SPOCK3: variants seen among roughly 807,000 people sequenced by gnomAD.
SPOCK3 encodes the protein SPARC (osteonectin), cwcv and kazal like domains proteoglycan 3.
A neutral mutation model predicts 56.6 loss-of-function variants in SPOCK3; 30 were observed. The ratio of observed to expected loss-of-function variants is 0.53; its 90% CI spans 0.40 to 0.72. SPOCK3 has a LOEUF of 0.72. Ranked by LOEUF, SPOCK3 falls within the 30% of genes least tolerant of loss-of-function variation. The pLI is 0.00. For missense variants in SPOCK3, 527 were observed against 530.0 expected, an observed-to-expected ratio of 0.99 and a Z score of 0.06; for synonymous variants, 196 against 183.3, an observed-to-expected ratio of 1.07 and a Z score of -0.56.
At chr4:166,911,309 A>T (rs1227564230) in intron 5 of SPOCK3, among the ~76,000 whole-genome samples, 6 of 152,182 alleles carry the variant, frequency 3.9e-5, no homozygotes, top group African/African-American at 1.4e-4. Flanking sequence ...CAGATTTGTA[A>T]TTGTAAAAGG....
chr4:166,774,261 G>A (rs897512), intron 7 of SPOCK3, among the ~76,000 whole-genome samples: 33,417 of 152,018 alleles, frequency 0.22, 4,234 homozygotes, highest in South Asian at 0.31. Flanking sequence ...TGAACGATAC[G>A]TAAGAGTGGA....
intron 7 of SPOCK3, among the ~76,000 whole-genome samples, chr4:166,783,799 C>G (rs553623782): frequency 1.3e-5 from 2 of 152,078 alleles, no homozygotes; most frequent in East Asian, 3.9e-4. Flanking sequence ...TTTAAGACAC[C>G]TATTTTGCAA....
At chr4:167,042,657 T>C (rs1418806909) in intron 3 of SPOCK3, among the ~76,000 whole-genome samples, 3 of 152,108 alleles carry the variant, frequency 2.0e-5, no homozygotes, top group Non-Finnish European at 4.4e-5. Flanking sequence ...AGTTTTATAC[T>C]TACACCACCC....
At chr4:166,814,669 T>C (rs2126737559) in intron 6 of SPOCK3, among the ~76,000 whole-genome samples, 1 of 152,220 alleles carries the variant, frequency 6.6e-6, no homozygotes, top group Non-Finnish European at 1.5e-5. Flanking sequence ...GGCCACAGAC[T>C]GAAGGCTGCA....
intron 2 of SPOCK3, among the ~76,000 whole-genome samples, chr4:167,140,478 TTA>T (rs2150397782): frequency 6.6e-6 from 1 of 152,114 alleles, no homozygotes; most frequent in Non-Finnish European, 1.5e-5. Context: ...TACTGTATAG[TTA>T]TACTAGGTGA....
At chr4:167,048,613 C>A (rs952123858) in intron 3 of SPOCK3, among the ~76,000 whole-genome samples, 3 of 151,960 alleles carry the variant, frequency 2.0e-5, no homozygotes, top group Non-Finnish European at 4.4e-5. Context: ...AGAATATTTC[C>A]ATGGTGGAAA....
At chr4:167,120,544 C>T (rs1197264584) in intron 2 of SPOCK3, among the ~76,000 whole-genome samples, 3 of 151,882 alleles carry the variant, frequency 2.0e-5, no homozygotes, top group Non-Finnish European at 2.9e-5. Context: ...ATAAATAATT[C>T]GATTACTCAG....
chr4:166,971,872 T>C (rs1250936716), intron 4 of SPOCK3, among the ~76,000 whole-genome samples: 1 of 152,064 alleles, frequency 6.6e-6, no homozygotes, highest in Non-Finnish European at 1.5e-5. Context: ...TAAGGAAACA[T>C]GCCAAAATAT....
At chr4:166,746,141 T>C (rs1030426263) in intron 8 of SPOCK3, among the ~76,000 whole-genome samples, 4 of 152,154 alleles carry the variant, frequency 2.6e-5, no homozygotes, top group Admixed American at 1.3e-4. Flanking sequence ...GCAGACTTAA[T>C]AGACATCTAC....
At chr4:167,202,947 T>G (rs1326010746) in intron 2 of SPOCK3, among the ~76,000 whole-genome samples, 1 of 151,896 alleles carries the variant, frequency 6.6e-6, no homozygotes, top group Non-Finnish European at 1.5e-5. Flanking sequence ...GTTTCTTTTA[T>G]TTGGTTTTTT....
intron 6 of SPOCK3, among the ~76,000 whole-genome samples, chr4:166,800,472 C>G (rs954730271): frequency 2.6e-5 from 4 of 151,796 alleles, no homozygotes; most frequent in Non-Finnish European, 5.9e-5. Flanking sequence ...TGTCAATGCC[C>G]CTGAAGAGCT....
chr4:167,181,134 C>T (rs911183127), intron 2 of SPOCK3, among the ~76,000 whole-genome samples: 2 of 152,114 alleles, frequency 1.3e-5, no homozygotes, highest in African/African-American at 2.4e-5. Context: ...ACTCTGAAAT[C>T]TATATCCCTA....
chr4:167,014,511 C>T (rs746740654), intron 3 of SPOCK3, among the ~76,000 whole-genome samples: 2 of 151,758 alleles, frequency 1.3e-5, no homozygotes, highest in Non-Finnish European at 2.9e-5. Context: ...AAAATTTAGC[C>T]GAGCATGGTG....
chr4:166,826,717 G>T (rs1344302213), intron 6 of SPOCK3, among the ~76,000 whole-genome samples: 1 of 152,048 alleles, frequency 6.6e-6, no homozygotes, highest in African/African-American at 2.4e-5. Context: ...ATTTCTGGGA[G>T]CACAGTACCT....
intron 2 of SPOCK3, chr4:167,119,981 T>A (rs1761733951): frequency 1.6e-6 from 1 of 637,592 alleles, no homozygotes; most frequent in Non-Finnish European, 2.6e-6. Context: ...GGTAAATCGC[T>A]TCCACTGAAA....
At chr4:166,904,555 A>G (rs1373756936) in intron 5 of SPOCK3, among the ~76,000 whole-genome samples, 1 of 152,080 alleles carries the variant, frequency 6.6e-6, no homozygotes, top group African/African-American at 2.4e-5. Flanking sequence ...GGCACATGCT[A>G]TAGTTATCTT....
intron 8 of SPOCK3, among the ~76,000 whole-genome samples, chr4:166,744,133 C>T (rs1334082342): frequency 6.6e-6 from 1 of 152,172 alleles, no homozygotes; most frequent in Non-Finnish European, 1.5e-5. Flanking sequence ...AGTTTGAGAT[C>T]TGAGAACAAA....
chr4:166,752,565 TATATATATAC>T (rs1161812398), intron 8 of SPOCK3, among the ~76,000 whole-genome samples: 112 of 101,294 alleles, frequency 1.1e-3, no homozygotes, highest in Non-Finnish European at 1.5e-3. Flanking sequence ...TATATATATA[TATATATATAC>T]ACACACACAC....
intron 4 of SPOCK3, among the ~76,000 whole-genome samples, chr4:166,953,974 A>G (rs987951184): frequency 3.9e-5 from 6 of 152,160 alleles, no homozygotes; most frequent in African/African-American, 1.4e-4. Flanking sequence ...TGGGAGATAT[A>G]TCTAATGCTA....
Sources: gnomAD v4.1 joint callset for allele counts (sites outside exome capture counted in the v4.1 genomes callset) on GRCh38, gnomAD v4.1.1 for gene constraint, MANE v1.5 for transcripts, NCBI Gene and HGNC (gene_info 2026-07-23, HGNC 2026-07-21) for gene names.